Variants in STARD7 observed in about 807,000 individuals in gnomAD.
STARD7 encodes the protein stAR-related lipid transfer protein 7, mitochondrial.
In STARD7, 30 loss-of-function variants were observed where a neutral mutation model predicts 45.3. That is an observed-to-expected ratio of 0.66 (90% CI 0.50 to 0.90). The LOEUF is 0.90. Among genes scored for constraint, STARD7 ranks in the 40% least tolerant of loss-of-function variants. STARD7 has a pLI of 0.00. For synonymous variants in STARD7, 199 were observed against 183.0 expected, an observed-to-expected ratio of 1.09 and a Z score of -0.70; for missense variants, 495 against 491.3, an observed-to-expected ratio of 1.01 and a Z score of -0.07.
intron 1 of STARD7, among the ~76,000 whole-genome samples, chr2:96,203,511 G>C (rs1171780814): frequency 6.6e-6 from 1 of 152,208 alleles, no homozygotes; most frequent in Non-Finnish European, 1.5e-5. Flanking sequence ...CCTCAGCATG[G>C]AGCTTGGTGT....
At position 96,192,358 on chromosome 2, in the gene STARD7, G is replaced by A; in HGVS notation, c.843+11C>T. 6.3e-7 allele frequency: 1 copy of A among 1,599,972 alleles called. No individual in the cohort carries two copies. Among genetic ancestry groups the A allele is most frequent in the Non-Finnish European group, 8.6e-7 (1 of 1,167,260 alleles). Reference sequence around the variant, plus strand: ...CATGACATGTTATCTCTTGGATGAGGTAAAACTCACCTCATCAAATGACTT... The same window carrying A: ...CATGACATGTTATCTCTTGGATGAGATAAAACTCACCTCATCAAATGACTT... On this transcript the variant is annotated intron_variant, in intron 6 of 7. Coordinates refer to ENST00000337288, the MANE Select transcript of STARD7 (RefSeq NM_020151.4).
In STARD7 at chr2:96,208,759, C is replaced by T. The variant is rs993493117; in HGVS notation, c.-325G>A. The T allele has an allele frequency of 7.3e-6, 3 of 409,308 alleles. No homozygotes were observed. Among genetic ancestry groups the T allele is most frequent in the South Asian group, 1.0e-4 (1 of 9,920 alleles). The allele number at this position is 409,308 out of a possible 1,614,324, so 25.4% of individuals were successfully genotyped here. On this transcript the variant is annotated 5_prime_UTR_variant, in exon 1 of 8. Transcript: ENST00000337288. ...GCCCGGGGCCGGGATGCAGGGCGCGCGGACAGAAACGAGACAGACAGCTCA... is the reference window on the plus strand; with the variant it reads ...GCCCGGGGCCGGGATGCAGGGCGCGTGGACAGAAACGAGACAGACAGCTCA...
In STARD7 at chr2:96,208,430, A is replaced by G. The variant is rs941229827; in HGVS notation, c.5T>C (p.Leu2Pro). The G allele has an allele frequency of 2.9e-6, 4 of 1,376,880 alleles. No individual in the cohort carries two copies. The highest frequency in any genetic ancestry group is 1.7e-5 in the South Asian group (1 of 58,764). 85.3% of individuals were successfully genotyped at this position (1,376,880 alleles called of 1,614,324 possible). A position where few individuals can be genotyped will look rare whatever the true frequency, so the allele number is the denominator to read the frequency against. The change falls in exon 1 of 8, where the codon CTC becomes CCC. Residue 2 changes from leucine to proline, a missense_variant. Leu to Pro is a moderately conservative substitution (Grantham distance 98, BLOSUM62 -3). Coordinates refer to ENST00000337288, the MANE Select transcript of STARD7 (RefSeq NM_020151.4). MLPRRLLAAWLA... is the reference protein window; with the variant it reads MPPRRLLAAWLA... ...CCAGGCGGCCAGCAGCCTCCGCGGG[A>G]GCATGCCGCCTCCCGCAGGGCCCGC...
Position 96,208,371 on chromosome 2 carries a change from G to T in STARD7, c.64C>A (p.Leu22Ile). The T allele has an allele frequency of 6.5e-7, 1 of 1,530,018 alleles. No homozygotes were observed. 94.8% of individuals were successfully genotyped at this position (1,530,018 alleles called of 1,614,324 possible). ...ACGAAGCGGCACTGATTGGCCAGAAGCGCCAGCAGGCCCCCGCCCCGCGTC... is the reference window on the plus strand; with the variant it reads ...ACGAAGCGGCACTGATTGGCCAGAATCGCCAGCAGGCCCCCGCCCCGCGTC... ...AGTRGGGLLA[L>I]LANQCRFVTG... The change falls in exon 1 of 8, where the codon CTT becomes ATT. Residue 22 changes from leucine (L) to isoleucine (I), a missense_variant. Physicochemically the swap from Leu to Ile is conservative, Grantham distance 5 (BLOSUM62 2). Around this residue, in one of 2 missense-constraint regions of STARD7, gnomAD observed 282 missense variants for 220.1 expected, o/e 1.28. Transcript: ENST00000337288.
intron 1 of STARD7, among the ~76,000 whole-genome samples, chr2:96,207,701 C>T (rs968162162): frequency 1.3e-5 from 2 of 152,188 alleles, no homozygotes; most frequent in East Asian, 3.8e-4. Flanking sequence ...GCTCTCCTGG[C>T]TTTTCTCACA....
rs1047360385 is a variant in STARD7, at chr2:96,186,030, T to C, written c.*700A>G. On this transcript the variant is annotated 3_prime_UTR_variant, in exon 8 of 8. Transcript: ENST00000337288. Reference sequence around the variant, plus strand: ...CGATTCACAGGAAACTTGCTTTGGATAAGGTGAGTCAATGGGTGATATTGT... The same window carrying C: ...CGATTCACAGGAAACTTGCTTTGGACAAGGTGAGTCAATGGGTGATATTGT... 2.6e-5 allele frequency: 4 copies of C among 152,102 alleles called. No individual in the cohort carries two copies. The highest frequency in any genetic ancestry group is 4.4e-5 in the Non-Finnish European group (3 of 68,022). 9.4% of individuals were successfully genotyped at this position (152,102 alleles called of 1,614,324 possible). A position where few individuals can be genotyped will look rare whatever the true frequency, so the allele number is the denominator to read the frequency against.
chr2:96,202,538 G>T (rs1683322332), intron 1 of STARD7, among the ~76,000 whole-genome samples: 2 of 152,302 alleles, frequency 1.3e-5, no homozygotes, highest in East Asian at 1.9e-4. Flanking sequence ...ACCATAGCTA[G>T]ATTTGCTCAG....
At chr2:96,195,300 G>A in intron 2 of STARD7, 41 bp downstream of exon 2, 1 of 1,473,278 alleles carries the variant, frequency 6.8e-7, no homozygotes, top group Admixed American at 2.0e-5. Flanking sequence ...CCATGCACCT[G>A]TGCAACTATG....
In STARD7 at chr2:96,197,094, A is replaced by ACT. The variant is rs1558735845; in HGVS notation, c.291-1546_291-1545insAG. On this transcript the variant is annotated intron_variant, in intron 1 of 7. Transcript: ENST00000337288. ...AATAAAATAAAATAAAATAAAATAA[A>ACT]ATAAAATAAAATAAAATAAAATAAA... 1.3e-4 allele frequency among the ~76,000 whole-genome samples: 18 copies of ACT among 141,532 alleles called. 2 individuals are homozygous for ACT. Among genetic ancestry groups the ACT allele is most frequent in the East Asian group, 1.1e-3 (5 of 4,686 alleles). The allele number at this position is 141,532 out of a possible 152,430, so 92.9% of individuals were successfully genotyped here. A position where few individuals can be genotyped will look rare whatever the true frequency, so the allele number is the denominator to read the frequency against.
rs781246032 is a variant in STARD7 at position 96,208,246 on chromosome 2, G to C, written c.189C>G (p.Arg63=). 6.2e-7 allele frequency: 1 copy of C among 1,612,140 alleles called. No homozygotes were observed. Among genetic ancestry groups the C allele is most frequent in the Non-Finnish European group, 8.5e-7 (1 of 1,179,592 alleles). The change falls in exon 1 of 8, where the codon CGC becomes CGG. Residue 63 remains arginine, a synonymous_variant. Transcript: ENST00000337288. ...CATGGCCAGGACGGCCGTGCAGCCG[G>C]CGCCAGAGGCGGCCGAGGAGAACGC... ...SRRVLLGRLW[R]RLHGRPGHAS...
rs1683154287 is a variant in STARD7, at chr2:96,193,283, C to T, written c.619G>A (p.Val207Ile). Residue 207 changes from valine (V) to isoleucine (I), a missense_variant, in exon 4 of 8, where the codon GTT becomes ATT. Val to Ile is a conservative substitution (Grantham distance 29, BLOSUM62 3). Coordinates refer to ENST00000337288, the MANE Select transcript of STARD7 (RefSeq NM_020151.4). ...IKLEVIERDV[V>I]SGSEVLHWVT... ...CAGTGAAGAACCTCGGAACCACTAA[C>T]CACATCCCTCTCAATCACCTCCAGC... 1 of 1,613,956 alleles carries T rather than the reference C, an allele frequency of 6.2e-7. No individual in the cohort carries two copies. Among genetic ancestry groups the T allele is most frequent in the Non-Finnish European group, 8.5e-7 (1 of 1,179,838 alleles).
chr2:96,192,255 C>T, intron 6 of STARD7, 114 bp downstream of exon 6: 1 of 846,780 alleles, frequency 1.2e-6, no homozygotes. Flanking sequence ...ATCAGACTCC[C>T]CCGAGCGAGA....
intron 1 of STARD7, among the ~76,000 whole-genome samples, chr2:96,197,090 AT>A (rs1366468018): frequency 1.4e-5 from 2 of 138,124 alleles, no homozygotes; most frequent in Non-Finnish European, 1.6e-5. Flanking sequence ...ATAAAATAAA[AT>A]AAAATAAAAT....
intron 6 of STARD7, chr2:96,188,015 C>T (rs866989135): frequency 1.3e-5 from 2 of 151,400 alleles, no homozygotes; most frequent in Non-Finnish European, 2.9e-5. Flanking sequence ...TGGCTCATGC[C>T]TTATAATCCC....
chr2:96,198,246 C>T (rs1306312201), intron 1 of STARD7, among the ~76,000 whole-genome samples: 2 of 151,812 alleles, frequency 1.3e-5, no homozygotes, highest in Non-Finnish European at 2.9e-5. Flanking sequence ...TTGCTTGAAC[C>T]CAGGAGGTGG....
chr2:96,208,303 G>A lies in STARD7; in HGVS notation c.132C>T (p.Leu44=), dbSNP rs372219927. ...AGCTCTCGGAGTAGAGGCGGCCGTA[G>A]AGCTGCGCGATCTGCTGCGCGCGCC... The part of the protein sequence containing the change: ...RVRRAQQIAQ[L]YGRLYSESSR... Residue 44 remains leucine (L), a synonymous_variant, in exon 1 of 8, where the codon CTC becomes CTT. Transcript: ENST00000337288. 3.7e-6 allele frequency: 6 copies of A among 1,608,864 alleles called. No individual in the cohort carries two copies. Among genetic ancestry groups the A allele is most frequent in the Admixed American group, 1.7e-5 (1 of 59,714 alleles).
At chr2:96,186,945 A>C (rs368305406) in intron 7 of STARD7, 31 bp from the exon 8 acceptor site, 65 of 1,588,020 alleles carry the variant, frequency 4.1e-5, no homozygotes, top group Non-Finnish European at 4.9e-5. Context: ...GGTTAAGCTG[A>C]CATACAAACC....
At chr2:96,188,600 T>C (rs1325835059) in intron 6 of STARD7, among the ~76,000 whole-genome samples, 1 of 151,382 alleles carries the variant, frequency 6.6e-6, no homozygotes, top group Non-Finnish European at 1.5e-5. Flanking sequence ...AAAAACACTT[T>C]GGGCTGGGTG....
In STARD7 at chr2:96,208,501, G is replaced by A; in HGVS notation, c.-67C>T. The A allele has an allele frequency of 7.7e-7, 1 of 1,301,132 alleles. No homozygotes were observed. Among genetic ancestry groups the A allele is most frequent in the Non-Finnish European group, 9.8e-7 (1 of 1,018,420 alleles). The allele number at this position is 1,301,132 out of a possible 1,614,324, so 80.6% of individuals were successfully genotyped here. On this transcript the variant is annotated 5_prime_UTR_variant, in exon 1 of 8. Transcript: ENST00000337288. ...GGAACCAGTCCGGAGGGGCGCAGGC[G>A]GTGGTCGCAGCGTCCCCCTAAATGG...
Sources: allele counts gnomAD v4.1 joint callset (sites outside exome capture counted in the v4.1 genomes callset), GRCh38; gene constraint gnomAD v4.1.1; regional missense constraint gnomAD v4.1.1; transcripts MANE v1.5; gene names NCBI Gene and HGNC (gene_info 2026-07-23, HGNC 2026-07-21).